The following HYCC2 variants were observed in gnomAD, a reference collection of about 807,000 sequenced individuals.
The protein encoded by HYCC2 is hyccin 2.
the HYCC2 span, among the ~76,000 whole-genome samples, chr2:201,024,964 T>A: frequency 6.6e-6 from 1 of 151,612 alleles, no homozygotes; most frequent in Non-Finnish European, 1.5e-5. Flanking sequence ...AAAAAAAAAC[T>A]TAGCCAGGTG....
the HYCC2 span, among the ~76,000 whole-genome samples, chr2:200,994,278 G>A: frequency 9.2e-5 from 14 of 151,596 alleles, no homozygotes; most frequent in Admixed American, 6.6e-5. Flanking sequence ...GCTCTGCCGC[G>A]CAGACTGGAA....
the HYCC2 span, among the ~76,000 whole-genome samples, chr2:201,007,873 C>G: frequency 6.6e-6 from 1 of 152,138 alleles, no homozygotes; most frequent in African/African-American, 2.4e-5. Context: ...CTTAAATGAG[C>G]CTCTCCCATT....
the HYCC2 span, among the ~76,000 whole-genome samples, chr2:201,056,747 G>A: frequency 9.9e-5 from 15 of 151,558 alleles, no homozygotes; most frequent in South Asian, 2.1e-4. Flanking sequence ...TATTCAAAGC[G>A]TCTGTGGTAG....
the HYCC2 span, chr2:201,063,987 G>T: frequency 1.9e-6 from 3 of 1,597,704 alleles, no homozygotes. Context: ...GCAAAACCAC[G>T]AAACTAAGGT....
chr2:201,048,643 T>C, the HYCC2 span, among the ~76,000 whole-genome samples: 5 of 152,104 alleles, frequency 3.3e-5, no homozygotes, highest in Non-Finnish European at 7.4e-5. Context: ...AAAATTCTTC[T>C]AGTAAAAGAC....
the HYCC2 span, among the ~76,000 whole-genome samples, chr2:201,008,100 T>C: frequency 1.3e-5 from 2 of 152,186 alleles, no homozygotes; most frequent in Non-Finnish European, 2.9e-5. Flanking sequence ...TCTAGCAAAT[T>C]ATCAAACAAG....
At chr2:201,048,443 C>T in the HYCC2 span, among the ~76,000 whole-genome samples, 5 of 151,494 alleles carry the variant, frequency 3.3e-5, no homozygotes, top group African/African-American at 9.7e-5. Flanking sequence ...GAATATGGCC[C>T]GACACAAATT....
chr2:201,007,920 A>G, the HYCC2 span, among the ~76,000 whole-genome samples: 1 of 152,230 alleles, frequency 6.6e-6, no homozygotes, highest in African/African-American at 2.4e-5. Context: ...CATTGATGCC[A>G]GGAGGGTAAT....
At chr2:201,066,388 T>C in the HYCC2 span, among the ~76,000 whole-genome samples, 1 of 152,220 alleles carries the variant, frequency 6.6e-6, no homozygotes, top group Non-Finnish European at 1.5e-5. Flanking sequence ...TGTTTTCTAT[T>C]TGAGTCTTAC....
At chr2:201,037,213 T>C in the HYCC2 span, among the ~76,000 whole-genome samples, 1 of 152,060 alleles carries the variant, frequency 6.6e-6, no homozygotes, top group Non-Finnish European at 1.5e-5. Flanking sequence ...CTTCAAGAAC[T>C]ACAAACCACT....
the HYCC2 span, chr2:201,022,803 A>G: frequency 7.3e-7 from 1 of 1,370,098 alleles, no homozygotes; most frequent in Non-Finnish European, 1.0e-6. Flanking sequence ...TTCACTATGT[A>G]GAAATTATTT....
the HYCC2 span, among the ~76,000 whole-genome samples, chr2:200,988,767 G>A: frequency 6.6e-6 from 1 of 152,138 alleles, no homozygotes; most frequent in Non-Finnish European, 1.5e-5. Flanking sequence ...ACATTAGGAT[G>A]TTCTCCACTC....
chr2:201,003,075 A>T, the HYCC2 span, among the ~76,000 whole-genome samples: 14 of 152,022 alleles, frequency 9.2e-5, no homozygotes, highest in Non-Finnish European at 1.5e-4. Flanking sequence ...GAAATACAAA[A>T]TTTTTTTAAG....
the HYCC2 span, chr2:201,021,920 T>G: frequency 1.2e-5 from 5 of 413,370 alleles, no homozygotes; most frequent in African/African-American, 1.0e-4. Context: ...CTGCTACAAA[T>G]AGCAACAGAT....
chr2:201,026,605 A>T, the HYCC2 span, among the ~76,000 whole-genome samples: 12 of 152,256 alleles, frequency 7.9e-5, no homozygotes, highest in Non-Finnish European at 1.5e-4. Context: ...AGAAATCACA[A>T]CAAACTGTCT....
At chr2:201,050,127 T>C in the HYCC2 span, among the ~76,000 whole-genome samples, 2 of 151,820 alleles carry the variant, frequency 1.3e-5, no homozygotes, top group East Asian at 1.9e-4. Context: ...GGTGGGAGGA[T>C]TGCTTGAGCC....
At chr2:201,016,877 A>G in the HYCC2 span, 1 of 1,028,580 alleles carries the variant, frequency 9.7e-7, no homozygotes, top group East Asian at 2.6e-5. Context: ...CTGGGATTAC[A>G]GGCATGAGCC....
At chr2:201,020,240 G>A in the HYCC2 span, among the ~76,000 whole-genome samples, 1 of 152,014 alleles carries the variant, frequency 6.6e-6, no homozygotes, top group African/African-American at 2.4e-5. Context: ...CATCATCCTT[G>A]GGTTAGAAAA....
chr2:201,068,114 G>A, the HYCC2 span, among the ~76,000 whole-genome samples: 5 of 151,826 alleles, frequency 3.3e-5, no homozygotes, highest in Admixed American at 6.6e-5. Flanking sequence ...GAGAAATCCC[G>A]TCTCTACTAA....
Sources: gnomAD v4.1 joint callset for allele counts (sites outside exome capture counted in the v4.1 genomes callset) on GRCh38, gnomAD v4.1.1 for gene constraint, MANE v1.5 for transcripts, NCBI Gene and HGNC (gene_info 2026-07-23, HGNC 2026-07-21) for gene names.